The following NKAIN4 variants were observed in gnomAD, a reference collection of about 807,000 sequenced individuals.
NKAIN4 encodes sodium/potassium-transporting ATPase subunit beta-1-interacting protein 4.
NKAIN4 carries 28 observed loss-of-function variants against 28.8 expected under a neutral mutation model. The ratio of observed to expected loss-of-function variants is 0.97; its 90% CI spans 0.72 to 1.33. The LOEUF is 1.33. Ranked by LOEUF, NKAIN4 falls within the 40% of genes most tolerant of loss-of-function variation. The pLI is 0.00. For missense variants in NKAIN4, 289 were observed against 277.2 expected, an observed-to-expected ratio of 1.04 and a Z score of -0.30; for synonymous variants, 122 against 115.6, an observed-to-expected ratio of 1.06 and a Z score of -0.36.
chr20:63,242,405 G>A, intron 6 of NKAIN4, 134 bp downstream of exon 6: 2 of 727,994 alleles, frequency 2.7e-6, no homozygotes, highest in Non-Finnish European at 2.5e-6. Context: ...AAAAGTGAGA[G>A]TGGATGGATG....
Position 63,245,932 on chromosome 20 carries a change from C to T in NKAIN4, c.471+1646G>A, listed in dbSNP as rs1301735101. 1.4e-5 allele frequency among the ~76,000 whole-genome samples: 2 copies of T among 143,002 alleles called. No homozygotes were observed. Among genetic ancestry groups the T allele is most frequent in the Non-Finnish European group, 3.1e-5 (2 of 65,342 alleles). The allele number at this position is 143,002 out of a possible 152,430, so 93.8% of individuals were successfully genotyped here. On this transcript the variant is annotated intron_variant, in intron 4 of 6. Coordinates refer to ENST00000370316, the MANE Select transcript of NKAIN4 (RefSeq NM_152864.4). The surrounding 1 kb of genome is among the most constrained non-coding windows in gnomAD (Gnocchi z 4.7). The stretch of plus-strand genomic sequence containing the variant: ...TCTTCATTCATTCCCCTCAAGCTTC[C>T]TTTTTTTTTTTTTGAGACAGAGTCT...
chr20:63,253,082 G>A, intron 1 of NKAIN4: 1 of 403,018 alleles, frequency 2.5e-6, no homozygotes, highest in Non-Finnish European at 3.4e-6. Flanking sequence ...TACCGTCCAG[G>A]CTGGTGCCTG....
Position 63,245,694 on chromosome 20 carries a change from G to A in NKAIN4, c.472-1610C>T, listed in dbSNP as rs867723314. 2.6e-4 allele frequency among the ~76,000 whole-genome samples: 39 copies of A among 152,150 alleles called. No homozygotes were observed. The highest frequency in any genetic ancestry group is 8.7e-4 in the African/African-American group (36 of 41,514). On this transcript the variant is annotated intron_variant, in intron 4 of 6. Transcript: ENST00000370316. The surrounding 1 kb of genome is among the most constrained non-coding windows in gnomAD (Gnocchi z 4.7). ...CAGCTGGGCAGAGGCCAACCAAGCCGCCAGCCTCTCCCAGACCCTCCAAAG... is the reference window on the plus strand; with the variant it reads ...CAGCTGGGCAGAGGCCAACCAAGCCACCAGCCTCTCCCAGACCCTCCAAAG...
At chr20:63,247,305 C>G in intron 4 of NKAIN4, 1 of 1,395,828 alleles carries the variant, frequency 7.2e-7, no homozygotes, top group Non-Finnish European at 9.4e-7. Flanking sequence ...GATTCCTTCC[C>G]ACTCCCCACA....
chr20:63,247,142 C>G, intron 4 of NKAIN4: 1 of 1,068,030 alleles, frequency 9.4e-7, no homozygotes, highest in Non-Finnish European at 1.1e-6. Flanking sequence ...CTTGCCAGCC[C>G]AGCCTCAGGC....
At chr20:63,253,662 T>A (rs1028713117) in intron 1 of NKAIN4, among the ~76,000 whole-genome samples, 1 of 152,044 alleles carries the variant, frequency 6.6e-6, no homozygotes, top group South Asian at 2.1e-4. Context: ...GGCACCGGGC[T>A]CCGGGAAAGA....
At chr20:63,246,724 GCAGT>G in intron 4 of NKAIN4, 1 of 985,470 alleles carries the variant, frequency 1.0e-6, no homozygotes, top group East Asian at 1.1e-4. Context: ...CAGCCGTGCT[GCAGT>G]CACATTGGCC....
intron 4 of NKAIN4, among the ~76,000 whole-genome samples, 186 bp from the exon 5 acceptor site, chr20:63,244,270 C>G (rs771913909): frequency 2.6e-5 from 4 of 152,196 alleles, no homozygotes; most frequent in Non-Finnish European, 5.9e-5. Flanking sequence ...AGCTCTCAAG[C>G]TCCGGACGCA....
Position 63,247,574 on chromosome 20 carries a change from T to A in NKAIN4, c.471+4A>T. ...CACCCGGGGGCCCCCTTCCCCACGC[T>A]CACCGCGATCAGGATCTGCAGGCAA... On this transcript the variant is annotated splice_donor_region_variant and intron_variant, in intron 4 of 6. Transcript: ENST00000370316. 6.5e-7 allele frequency: 1 copy of A among 1,545,300 alleles called. No homozygotes were observed. Among genetic ancestry groups the A allele is most frequent in the Non-Finnish European group, 8.7e-7 (1 of 1,144,132 alleles).
rs2066887100 is a variant in NKAIN4 at position 63,247,742 on chromosome 20, G to A, written c.307C>T (p.His103Tyr). 1 of 1,482,196 alleles carries A rather than the reference G, an allele frequency of 6.7e-7. No homozygotes were observed. The highest frequency in any genetic ancestry group is 9.0e-7 in the Non-Finnish European group (1 of 1,111,998). The allele number at this position is 1,482,196 out of a possible 1,614,324, so 91.8% of individuals were successfully genotyped here. The change falls in exon 4 of 7, where the codon CAT becomes TAT. Residue 103 changes from histidine (H) to tyrosine (Y), a missense_variant. Physicochemically the swap from His to Tyr is moderately conservative, Grantham distance 83. Coordinates refer to ENST00000370316, the MANE Select transcript of NKAIN4 (RefSeq NM_152864.4). Reference sequence around the variant, plus strand: ...CAGCGCTCACGCCACCAGGAGCGATGCCGGGAGAGGCTGAAGGTCAGTAGC... The same window carrying A: ...CAGCGCTCACGCCACCAGGAGCGATACCGGGAGAGGCTGAAGGTCAGTAGC... ...SELLTFSLSRHRSWWRERWPG... is the reference protein window; with the variant it reads ...SELLTFSLSRYRSWWRERWPG...
rs1037556255 is a variant in NKAIN4, at chr20:63,253,365, G to A, written c.54+1032C>T. 11 of 985,226 alleles carry A rather than the reference G, an allele frequency of 1.1e-5. No individual in the cohort carries two copies. In the African/African-American group the frequency reaches 1.6e-4, roughly 14 times the overall value. The allele number at this position is 985,226 out of a possible 1,614,324, so 61.0% of individuals were successfully genotyped here. ...CCTGCAGGAAGGACACGATGCCTCC[G>A]CCGTCCCTAGGTCCGCCCGCAAGCC... On this transcript the variant is annotated intron_variant, in intron 1 of 6. Transcript: ENST00000370316.
rs189994334 is a variant in NKAIN4 at position 63,243,567 on chromosome 20, T to C, written c.532+457A>G. 1.2e-4 allele frequency among the ~76,000 whole-genome samples: 19 copies of C among 152,118 alleles called. No individual in the cohort carries two copies. The East Asian group carries it at 3.3e-3, about 26-fold the overall frequency. ...GAGTGTGGACCACTCGTGTTGCAAATCACAGGAAAGCTGACGGGCTGGCGA... is the reference window on the plus strand; with the variant it reads ...GAGTGTGGACCACTCGTGTTGCAAACCACAGGAAAGCTGACGGGCTGGCGA... On this transcript the variant is annotated intron_variant, in intron 5 of 6. Coordinates refer to ENST00000370316, the MANE Select transcript of NKAIN4 (RefSeq NM_152864.4).
In NKAIN4 at chr20:63,242,964, G is replaced by A. The variant is rs546219240; in HGVS notation, c.533-341C>T. 9.5e-4 allele frequency among the ~76,000 whole-genome samples: 144 copies of A among 152,254 alleles called. 2 individuals are homozygous for A. In the South Asian group the frequency reaches 0.027, roughly 29 times the overall value. ...TGGCCTCGGGGGACAGTGGGGTCAG[G>A]ACAGCCCGGGTCCTCCAGCCTGTGC... On this transcript the variant is annotated intron_variant, in intron 5 of 6. Transcript: ENST00000370316.
chr20:63,254,458 G>A lies in NKAIN4; in HGVS notation c.-8C>T. On this transcript the variant is annotated 5_prime_UTR_variant, in exon 1 of 7. Transcript: ENST00000370316. ...GCCGGAGCAGGAGCCCATGGTGCCC[G>A]CCTATACAGGAGGCCCCCGGGTGCC... 1.0e-5 allele frequency: 14 copies of A among 1,350,950 alleles called. No homozygotes were observed. The highest frequency in any genetic ancestry group is 1.8e-5 in the South Asian group (1 of 55,616). 83.7% of individuals were successfully genotyped at this position (1,350,950 alleles called of 1,614,324 possible).
In NKAIN4 at chr20:63,242,565, G is replaced by C; in HGVS notation, c.591C>G (p.Ser197=). 1.2e-6 allele frequency: 2 copies of C among 1,613,358 alleles called. No individual in the cohort carries two copies. The highest frequency in any genetic ancestry group is 1.7e-6 in the Non-Finnish European group (2 of 1,179,468). ...AGTACACCTGCTTGGACAAGAGACT[G>C]GATGGCTTTTCATTGACATGGTAGA... The part of the protein sequence containing the change: ...FPLYHVNEKP[S]SLLSKQVYLP... The change falls in exon 6 of 7, where the codon TCC becomes TCG. Residue 197 remains serine (S), a synonymous_variant. Transcript: ENST00000370316.
chr20:63,244,770 G>T (rs560785496), intron 4 of NKAIN4, among the ~76,000 whole-genome samples: 1 of 152,116 alleles, frequency 6.6e-6, no homozygotes, highest in Admixed American at 6.5e-5. Context: ...TCTGGCAAAG[G>T]GGGGGCAGTG....
intron 1 of NKAIN4, among the ~76,000 whole-genome samples, chr20:63,251,006 G>T (rs1308036439): frequency 6.6e-6 from 1 of 151,210 alleles, no homozygotes; most frequent in Non-Finnish European, 1.5e-5. Context: ...GAGACCAGTA[G>T]TGGCCCTGAA....
intron 4 of NKAIN4, among the ~76,000 whole-genome samples, chr20:63,246,170 C>T (rs977168892): frequency 3.3e-5 from 5 of 152,188 alleles, no homozygotes; most frequent in Admixed American, 2.6e-4. Context: ...CCTCGTGATC[C>T]GCCTGCCTCG....
At position 63,247,581 on chromosome 20, in the gene NKAIN4, G is replaced by A. The variant is rs946673985; in HGVS notation, c.468C>T (p.Ile156=). The A allele has an allele frequency of 7.1e-6, 11 of 1,546,104 alleles. No individual in the cohort carries two copies. The African/African-American group carries it at 9.6e-5, about 13-fold the overall frequency. Residue 156 remains isoleucine, a synonymous_variant, in exon 4 of 7, where the codon ATC becomes ATT. Transcript: ENST00000370316. ...GGGCCCCCTTCCCCACGCTCACCGC[G>A]ATCAGGATCTGCAGGCAACTGTGTA... The part of the protein sequence containing the change: ...EALHSCLQIL[I]ALLGFVCGCQ...
Sources: allele counts gnomAD v4.1 joint callset (sites outside exome capture counted in the v4.1 genomes callset), GRCh38; gene constraint gnomAD v4.1.1; non-coding constraint Gnocchi (gnomAD v3.1); transcripts MANE v1.5; gene names NCBI Gene and HGNC (gene_info 2026-07-23, HGNC 2026-07-21).